The following PCDHGA7 variants were observed in gnomAD, a reference collection of about 807,000 sequenced individuals.
PCDHGA7 encodes the protein protocadherin gamma-A7.
In PCDHGA7, 44 loss-of-function variants were observed where a neutral mutation model predicts 58.3. The observed-to-expected ratio is 0.75, with a 90% CI of 0.59 to 0.97. The LOEUF (loss-of-function observed/expected upper bound fraction) is 0.97, where lower values mean the gene tolerates loss of function less well. Ranked by LOEUF, PCDHGA7 falls within the 50% of genes least tolerant of loss-of-function variation. The pLI is 0.00. For synonymous variants in PCDHGA7, 516 were observed against 504.2 expected, an observed-to-expected ratio of 1.02 and a Z score of -0.31; for missense variants, 1,266 against 1,188.7, an observed-to-expected ratio of 1.06 and a Z score of -0.96.
At chr5:141,428,196 C>A in intron 1 of PCDHGA7, 2 of 1,383,704 alleles carry the variant, frequency 1.4e-6, no homozygotes, top group Non-Finnish European at 2.0e-6. Context: ...CCGCTCTCTG[C>A]GCCGCTACGC....
chr5:141,455,897 T>C (rs1330516646), intron 1 of PCDHGA7, among the ~76,000 whole-genome samples: 1 of 149,800 alleles, frequency 6.7e-6, no homozygotes, highest in African/African-American at 2.4e-5. Flanking sequence ...ATTTATTTAT[T>C]TATTTATTTA....
At chr5:141,468,849 G>C (rs1349849817) in intron 1 of PCDHGA7, among the ~76,000 whole-genome samples, 2 of 152,058 alleles carry the variant, frequency 1.3e-5, no homozygotes, top group East Asian at 3.9e-4. Flanking sequence ...CTGGGCAACA[G>C]AGCGAGACTC....
Position 141,476,162 on chromosome 5 carries a change from G to A in PCDHGA7, c.2425-18645G>A. 6.2e-7 allele frequency: 1 copy of A among 1,613,038 alleles called. No homozygotes were observed. Among genetic ancestry groups the A allele is most frequent in the South Asian group, 1.1e-5 (1 of 91,040 alleles). Reference sequence around the variant, plus strand: ...GAGCGGACTGGTAAGCACCGGGAGGGTAGTGGGAGTTTTGCTTCTGCTTGG... The same window carrying A: ...GAGCGGACTGGTAAGCACCGGGAGGATAGTGGGAGTTTTGCTTCTGCTTGG... On this transcript the variant is annotated intron_variant, in intron 1 of 3. Coordinates refer to ENST00000518325, the MANE Select transcript of PCDHGA7 (RefSeq NM_018920.4). The surrounding 1 kb of genome is among the most constrained non-coding windows in gnomAD (Gnocchi z 7.6).
chr5:141,447,136 T>TTTTTTG (rs1304915683), intron 1 of PCDHGA7, among the ~76,000 whole-genome samples: 1 of 152,090 alleles, frequency 6.6e-6, no homozygotes, highest in Non-Finnish European at 1.5e-5. Context: ...TGTTTGTTTG[T>TTTTTTG]TTTTTGTTTT....
intron 1 of PCDHGA7, chr5:141,417,612 T>C: frequency 1.6e-6 from 1 of 617,852 alleles, no homozygotes; most frequent in Non-Finnish European, 2.6e-6. Flanking sequence ...CGTCGGCCAG[T>C]GCAGAGCAAG....
rs946798767 is a variant in PCDHGA7, at chr5:141,438,591, CATATATATAT to C, written c.2424+53304_2424+53313del. On this transcript the variant is annotated intron_variant, in intron 1 of 3. Transcript: ENST00000518325. The stretch of plus-strand genomic sequence containing the variant: ...TCTGATATACATACATACATACATA[CATATATATAT>C]ATATATATATATATATATATATATA... Among the ~76,000 whole-genome samples, 12 of 75,572 alleles carry C rather than the reference CATATATATAT, an allele frequency of 1.6e-4. No individual in the cohort carries two copies. The East Asian group carries it at 1.7e-3, about 11-fold the overall frequency. The allele number at this position is 75,572 out of a possible 152,430, so 49.6% of individuals were successfully genotyped here.
rs766852982 is a variant in PCDHGA7, at chr5:141,486,907, A to G, written c.2425-7900A>G. ...CCCGGCCTGGTTCCTTATGTCCCCA[A>G]GCACTGCCTCCATCAGTTGGTGCTG... On this transcript the variant is annotated intron_variant, in intron 1 of 3. Coordinates refer to ENST00000518325, the MANE Select transcript of PCDHGA7 (RefSeq NM_018920.4). The surrounding 1 kb of genome is among the most constrained non-coding windows in gnomAD (Gnocchi z 5.0). 6.2e-5 allele frequency: 100 copies of G among 1,614,122 alleles called. No homozygotes were observed. The highest frequency in any genetic ancestry group is 8.0e-5 in the Non-Finnish European group (94 of 1,180,056).
At position 141,476,251 on chromosome 5, in the gene PCDHGA7, C is replaced by T; in HGVS notation, c.2425-18556C>T. On this transcript the variant is annotated intron_variant, in intron 1 of 3. Coordinates refer to ENST00000518325, the MANE Select transcript of PCDHGA7 (RefSeq NM_018920.4). This position sits in a 1 kb window ranked among gnomAD's most constrained non-coding sequence, Gnocchi z 7.6. The stretch of plus-strand genomic sequence containing the variant: ...TCCCGGAGGAAAGAGAGAAGGGTTT[C>T]GCTGTGGGCAACGTGGTCGCGAACC... 1 of 1,613,866 alleles carries T rather than the reference C, an allele frequency of 6.2e-7. No homozygotes were observed. The highest frequency in any genetic ancestry group is 8.5e-7 in the Non-Finnish European group (1 of 1,179,978).
chr5:141,387,756 A>G, intron 1 of PCDHGA7: 1 of 1,413,288 alleles, frequency 7.1e-7, no homozygotes, highest in Non-Finnish European at 9.4e-7. Context: ...CTCCTCGGAA[A>G]AAGAAGAATT....
chr5:141,388,433 A>G, intron 1 of PCDHGA7: 1 of 1,613,878 alleles, frequency 6.2e-7, no homozygotes, highest in Non-Finnish European at 8.5e-7. Flanking sequence ...TGATAAATAA[A>G]GAGAAATCAG....
At position 141,491,267 on chromosome 5, in the gene PCDHGA7, A is replaced by C. The variant is rs1376540913; in HGVS notation, c.2425-3540A>C. ...GATGAGGACCCTGAGGAAATGCCCA[A>C]ATCCAGTGACTTCCTCATACACCCT... On this transcript the variant is annotated intron_variant, in intron 1 of 3. Coordinates refer to ENST00000518325, the MANE Select transcript of PCDHGA7 (RefSeq NM_018920.4). This position sits in a 1 kb window ranked among gnomAD's most constrained non-coding sequence, Gnocchi z 6.9. The C allele has an allele frequency of 2.5e-6, 4 of 1,613,944 alleles. No individual in the cohort carries two copies. The highest frequency in any genetic ancestry group is 3.4e-6 in the Non-Finnish European group (4 of 1,179,936).
At chr5:141,441,730 A>T in intron 1 of PCDHGA7, 1 of 362,750 alleles carries the variant, frequency 2.8e-6, no homozygotes, top group South Asian at 2.2e-5. Context: ...CGCGACCAGG[A>T]CTAGCTCGCG....
rs561548499 is a variant in PCDHGA7, at chr5:141,414,930, C to T, written c.2424+29607C>T. On this transcript the variant is annotated intron_variant, in intron 1 of 3. Coordinates refer to ENST00000518325, the MANE Select transcript of PCDHGA7 (RefSeq NM_018920.4). ...CAGGCGTGGAGCTGGCGCCCCGCTC[C>T]GCAGAGCCCGGCTACCTGGTGACCA... 1.9e-6 allele frequency: 3 copies of T among 1,614,156 alleles called. No homozygotes were observed. The South Asian group carries it at 3.3e-5, about 18-fold the overall frequency.
intron 1 of PCDHGA7, chr5:141,416,038 G>T: frequency 5.1e-6 from 1 of 196,894 alleles, no homozygotes; most frequent in Non-Finnish European, 1.0e-5. Flanking sequence ...AATCACCTCT[G>T]GAAACACAAC....
intron 1 of PCDHGA7, among the ~76,000 whole-genome samples, chr5:141,457,854 C>A (rs2098930903): frequency 6.6e-6 from 1 of 152,234 alleles, no homozygotes; most frequent in African/African-American, 2.4e-5. Flanking sequence ...AAGTGACATT[C>A]TTCACTGACC....
rs1233801398 is a variant in PCDHGA7, at chr5:141,431,238, C to T, written c.2424+45915C>T. The stretch of plus-strand genomic sequence containing the variant: ...TTCCCTCTACCCCACGCCTGGGATC[C>T]GGATATCGGGAAGAACTCTCTGCAG... On this transcript the variant is annotated intron_variant, in intron 1 of 3. Coordinates refer to ENST00000518325, the MANE Select transcript of PCDHGA7 (RefSeq NM_018920.4). This position sits in a 1 kb window ranked among gnomAD's most constrained non-coding sequence, Gnocchi z 4.8. The T allele has an allele frequency of 3.7e-6, 6 of 1,614,156 alleles. No homozygotes were observed. Among genetic ancestry groups the T allele is most frequent in the Non-Finnish European group, 8.5e-7 (1 of 1,180,038 alleles).
Position 141,491,858 on chromosome 5 carries a change from A to G in PCDHGA7, c.2425-2949A>G, listed in dbSNP as rs17208425. 297,575 of 1,456,446 alleles carry G rather than the reference A, an allele frequency of 0.2. 31,644 individuals are homozygous for G. The highest frequency in any genetic ancestry group is 0.33 in the Admixed American group (11,758 of 35,494). 90.2% of individuals were successfully genotyped at this position (1,456,446 alleles called of 1,614,324 possible). On this transcript the variant is annotated intron_variant, in intron 1 of 3. Transcript: ENST00000518325. This position sits in a 1 kb window ranked among gnomAD's most constrained non-coding sequence, Gnocchi z 6.9. ...TCGGGATCATTGGACCGTTTGCGCG[A>G]AACCAGAGTGGCCGATTAAGGGATG... is the stretch of plus-strand genomic sequence containing the variant.
chr5:141,424,026 C>G, intron 1 of PCDHGA7: 1 of 1,041,918 alleles, frequency 9.6e-7, no homozygotes, highest in Non-Finnish European at 1.2e-6. Context: ...TTCACAAACA[C>G]TTTTTATTTC....
intron 1 of PCDHGA7, chr5:141,423,735 G>A (rs2096770441): frequency 1.3e-6 from 1 of 777,372 alleles, no homozygotes; most frequent in African/African-American, 2.5e-5. Context: ...TTTTGAGCCT[G>A]TTATGAAAAC....
Sources: allele counts gnomAD v4.1 joint callset (sites outside exome capture counted in the v4.1 genomes callset), GRCh38; gene constraint gnomAD v4.1.1; non-coding constraint Gnocchi (gnomAD v3.1); transcripts MANE v1.5; gene names NCBI Gene and HGNC (gene_info 2026-07-23, HGNC 2026-07-21).